Variants in RFPL1 observed in about 807,000 individuals in gnomAD.
RFPL1 encodes ret finger protein-like 1.
Under a neutral mutation model 9.6 loss-of-function variants are expected in RFPL1, and 6 were observed. The ratio of observed to expected loss-of-function variants is 0.62; its 90% CI spans 0.34 to 1.23. The LOEUF (loss-of-function observed/expected upper bound fraction) is 1.23. RFPL1 is among the 50% of genes most tolerant of loss of function. The pLI is 0.03. For missense variants in RFPL1, 352 were observed against 398.4 expected (o/e 0.88, Z 0.99); for synonymous variants, 145 against 149.4 (o/e 0.97, Z 0.22).
upstream of RFPL1, among the ~76,000 whole-genome samples, chr22:29,435,582 A>G (rs1181435429): frequency 6.6e-6 from 1 of 152,022 alleles, no homozygotes; most frequent in African/African-American, 2.4e-5. Context: ...CAATCATGTA[A>G]AGTTAACTTG....
At chr22:29,409,117 T>C in the RFPL1 span, among the ~76,000 whole-genome samples, 1 of 151,954 alleles carries the variant, frequency 6.6e-6, no homozygotes, top group African/African-American at 2.4e-5. Context: ...GCAAAACAAC[T>C]CACCCATTTA....
chr22:29,411,535 A>C, the RFPL1 span, among the ~76,000 whole-genome samples: 1 of 150,928 alleles, frequency 6.6e-6, no homozygotes, highest in Admixed American at 6.6e-5. Context: ...AAAAACCTTT[A>C]AGAGCCAGGA....
chr22:29,422,220 G>T, the RFPL1 span, among the ~76,000 whole-genome samples: 6 of 152,176 alleles, frequency 3.9e-5, no homozygotes, highest in African/African-American at 1.2e-4. Context: ...AAGGTGGGTG[G>T]ATCACTTGAG....
chr22:29,387,951 G>A, the RFPL1 span, among the ~76,000 whole-genome samples: 1 of 152,228 alleles, frequency 6.6e-6, no homozygotes. Flanking sequence ...TTGTCTTAGA[G>A]GCTCCAACAA....
exon 2 of RFPL1, chr22:29,442,140 A>C (rs761772975): frequency 6.6e-7 from 1 of 1,507,070 alleles, no homozygotes; most frequent in South Asian, 1.4e-5. Context: ...CTGCAAAAAA[A>C]CAAAAAACAG....
upstream of RFPL1, chr22:29,437,217 T>C (rs905887562): frequency 1.2e-5 from 2 of 160,540 alleles, no homozygotes; most frequent in African/African-American, 4.8e-5. Context: ...CCAATGAAAA[T>C]AAATAAAAAT....
the RFPL1 span, among the ~76,000 whole-genome samples, chr22:29,398,377 A>G: frequency 6.6e-6 from 1 of 152,230 alleles, no homozygotes; most frequent in African/African-American, 2.4e-5. Context: ...AAAACTCACC[A>G]TGTGCCAGAC....
chr22:29,419,214 C>T, the RFPL1 span: 14 of 1,578,334 alleles, frequency 8.9e-6, 1 homozygote, highest in Admixed American at 1.7e-4. Context: ...CCTTCTTCTT[C>T]TCCTTCTTGT....
At chr22:29,413,343 C>T in the RFPL1 span, among the ~76,000 whole-genome samples, 9 of 151,898 alleles carry the variant, frequency 5.9e-5, no homozygotes, top group Non-Finnish European at 1.2e-4. Flanking sequence ...GCTGGTTTAC[C>T]AGAAATTCTC....
the RFPL1 span, among the ~76,000 whole-genome samples, chr22:29,403,900 G>A: frequency 6.6e-6 from 1 of 151,372 alleles, no homozygotes; most frequent in East Asian, 1.9e-4. Context: ...CATTTAAACC[G>A]GAAATCCTAC....
intron 1 of RFPL1, chr22:29,441,135 A>G (rs2062836697): frequency 9.8e-6 from 2 of 204,304 alleles, no homozygotes; most frequent in South Asian, 1.9e-4. Context: ...ATCATGCTCT[A>G]TATACTGAGT....
the RFPL1 span, among the ~76,000 whole-genome samples, chr22:29,392,378 C>CTTTTTT: frequency 3.2e-3 from 150 of 46,274 alleles, 23 homozygotes; most frequent in African/African-American, 9.1e-3. Context: ...CCACACCTGG[C>CTTTTTT]TTTTTTTTTT....
the RFPL1 span, among the ~76,000 whole-genome samples, chr22:29,428,472 T>C: frequency 6.6e-6 from 1 of 152,134 alleles, no homozygotes; most frequent in African/African-American, 2.4e-5. Flanking sequence ...AATAAAGTAA[T>C]GTAAAATAAG....
At chr22:29,407,238 C>CACGT in the RFPL1 span, among the ~76,000 whole-genome samples, 3 of 151,700 alleles carry the variant, frequency 2.0e-5, no homozygotes, top group African/African-American at 7.3e-5. Context: ...GGCCATAAGG[C>CACGT]ACGTGCCACT....
At chr22:29,393,117 G>A in the RFPL1 span, among the ~76,000 whole-genome samples, 1 of 152,214 alleles carries the variant, frequency 6.6e-6, no homozygotes, top group Admixed American at 6.5e-5. Context: ...GCCTGGGAAA[G>A]TCAGGGAAGT....
the RFPL1 span, among the ~76,000 whole-genome samples, chr22:29,424,841 C>CCCG: frequency 0.012 from 1,366 of 115,280 alleles, 54 homozygotes; most frequent in African/African-American, 0.044. Context: ...CCACCCCCCC[C>CCCG]CCCGCAAAAT....
At chr22:29,426,653 G>T in the RFPL1 span, among the ~76,000 whole-genome samples, 14 of 152,188 alleles carry the variant, frequency 9.2e-5, no homozygotes, top group Admixed American at 5.9e-4. Context: ...GGAGGCTAAG[G>T]CAGGAGAATT....
chr22:29,442,053 C>T (rs1334924116), exon 2 of RFPL1: 1 of 1,613,362 alleles, frequency 6.2e-7, no homozygotes. Context: ...ATAAGAGTGT[C>T]TTGAGTATCT....
At chr22:29,388,448 GC>G in the RFPL1 span, 1 of 152,416 alleles carries the variant, frequency 6.6e-6, no homozygotes, top group Non-Finnish European at 1.5e-5. Context: ...AGCTCCCGGC[GC>G]CCCGGCTCGG....
Sources: allele counts gnomAD v4.1 joint callset (sites outside exome capture counted in the v4.1 genomes callset), GRCh38; gene constraint gnomAD v4.1.1; transcripts MANE v1.5; gene names NCBI Gene and HGNC (gene_info 2026-07-23, HGNC 2026-07-21).